CLYBL: variants seen among roughly 807,000 people sequenced by gnomAD.
CLYBL encodes the protein citramalyl-CoA lyase, also known as citramalyl-CoA lyase, mitochondrial.
CLYBL carries 31 observed loss-of-function variants against 38.9 expected under a neutral mutation model. That is an observed-to-expected ratio of 0.80 (90% CI 0.60 to 1.08). CLYBL has a LOEUF of 1.08. CLYBL is among the 50% of genes least tolerant of loss of function. The pLI is 0.00. For synonymous variants in CLYBL, 171 were observed against 158.6 expected, an observed-to-expected ratio of 1.08 and a Z score of -0.59; for missense variants, 434 against 411.6, an observed-to-expected ratio of 1.05 and a Z score of -0.47.
chr13:99,747,811 T>C (rs2048880225), intron 1 of CLYBL, among the ~76,000 whole-genome samples: 1 of 152,206 alleles, frequency 6.6e-6, no homozygotes, highest in African/African-American at 2.4e-5. Flanking sequence ...AGGGCCAGCG[T>C]GTGGTGGACT....
chr13:99,676,147 C>T (rs897868857), intron 1 of CLYBL, among the ~76,000 whole-genome samples: 3 of 151,046 alleles, frequency 2.0e-5, no homozygotes, highest in African/African-American at 7.3e-5. Context: ...TGAGCCACCA[C>T]CCCTGGCCAC....
chr13:99,690,944 A>G (rs1226782559), intron 1 of CLYBL: 1 of 152,184 alleles, frequency 6.6e-6, no homozygotes, highest in Non-Finnish European at 1.5e-5. Flanking sequence ...GCTCTCTCAC[A>G]CTGAGACCTA....
At chr13:99,732,487 A>G (rs2139575611) in intron 1 of CLYBL, among the ~76,000 whole-genome samples, 1 of 152,076 alleles carries the variant, frequency 6.6e-6, no homozygotes, top group East Asian at 1.9e-4. Flanking sequence ...GCCTATTTTA[A>G]AGGTGTTTTT....
chr13:99,660,906 A>G (rs892609709), intron 1 of CLYBL, among the ~76,000 whole-genome samples: 1 of 152,182 alleles, frequency 6.6e-6, no homozygotes, highest in Non-Finnish European at 1.5e-5. Flanking sequence ...GATTTTTTCC[A>G]TCATTAGATT....
At chr13:99,625,403 C>T (rs2046855556) in intron 1 of CLYBL, among the ~76,000 whole-genome samples, 2 of 152,122 alleles carry the variant, frequency 1.3e-5, no homozygotes, top group African/African-American at 4.8e-5. Flanking sequence ...AGGGTTCGGC[C>T]AAGGAAGTGA....
chr13:99,750,538 G>A (rs997723414), intron 1 of CLYBL, among the ~76,000 whole-genome samples: 1 of 151,990 alleles, frequency 6.6e-6, no homozygotes, highest in Non-Finnish European at 1.5e-5. Flanking sequence ...GCCAGGCATG[G>A]TAGCAGGCAC....
intron 1 of CLYBL, among the ~76,000 whole-genome samples, chr13:99,696,285 A>C (rs2047978323): frequency 6.6e-6 from 1 of 151,276 alleles, no homozygotes; most frequent in African/African-American, 2.4e-5. Flanking sequence ...GCTGGAGTGC[A>C]GTGGCATGGT....
At chr13:99,750,215 G>A (rs1207852620) in intron 1 of CLYBL, among the ~76,000 whole-genome samples, 1 of 152,184 alleles carries the variant, frequency 6.6e-6, no homozygotes, top group Non-Finnish European at 1.5e-5. Flanking sequence ...CCCCTCAAAG[G>A]ATTGGAGATA....
chr13:99,709,923 CTTTTTTT>C (rs373484721), intron 1 of CLYBL, among the ~76,000 whole-genome samples: 1 of 110,484 alleles, frequency 9.1e-6, no homozygotes, highest in Non-Finnish European at 1.7e-5. Flanking sequence ...TTCTTTCTTT[CTTTTTTT>C]TTTTTTTTTT....
chr13:99,780,481 C>T (rs1261684823), intron 2 of CLYBL, among the ~76,000 whole-genome samples: 2 of 151,504 alleles, frequency 1.3e-5, no homozygotes, highest in African/African-American at 2.4e-5. Flanking sequence ...CCTGGGTTCA[C>T]GCCATTCTGC....
chr13:99,791,375 C>CA (rs1566328671), intron 2 of CLYBL, among the ~76,000 whole-genome samples: 1 of 151,330 alleles, frequency 6.6e-6, no homozygotes, highest in Non-Finnish European at 1.5e-5. Flanking sequence ...AAAAAACAAA[C>CA]AAAAAACAGC....
At position 99,852,061 on chromosome 13, in the gene CLYBL, C is replaced by A. The variant is rs138457656; in HGVS notation, c.250-6800C>A. ...CAACATGAATGAATCTTGAAACATA[C>A]TAAGTGAAAGAAGGCAGTCAGAGAA... On this transcript the variant is annotated intron_variant, in intron 2 of 8. Coordinates refer to ENST00000339105, the MANE Select transcript of CLYBL (RefSeq NM_206808.5). Among the ~76,000 whole-genome samples, 277 of 152,230 alleles carry A rather than the reference C, an allele frequency of 1.8e-3. 1 individual carries two copies. The highest frequency in any genetic ancestry group is 2.5e-3 in the Non-Finnish European group (172 of 68,022).
At chr13:99,631,174 TA>T (rs2046938426) in intron 1 of CLYBL, among the ~76,000 whole-genome samples, 1 of 152,064 alleles carries the variant, frequency 6.6e-6, no homozygotes, top group Non-Finnish European at 1.5e-5. Flanking sequence ...ATAGAAAAAT[TA>T]GCCACGCATG....
At position 99,668,111 on chromosome 13, in the gene CLYBL, A is replaced by T. The variant is rs111947361; in HGVS notation, c.62+61354A>T. 4.8e-3 allele frequency among the ~76,000 whole-genome samples: 722 copies of T among 151,964 alleles called. 3 individuals are homozygous for T. The highest frequency in any genetic ancestry group is 0.017 in the African/African-American group (693 of 41,444). On this transcript the variant is annotated intron_variant, in intron 1 of 8. Transcript: ENST00000339105. The stretch of plus-strand genomic sequence containing the variant: ...CAACATGGTGAAACCCTGTCTCTAC[A>T]TAAAATACAACAAATAGCCATACAT...
intron 2 of CLYBL, among the ~76,000 whole-genome samples, chr13:99,783,065 C>T (rs565329844): frequency 7.9e-5 from 12 of 151,292 alleles, no homozygotes; most frequent in Non-Finnish European, 1.0e-4. Flanking sequence ...TTTTTTGAGA[C>T]GAAGTCTTGC....
chr13:99,752,801 A>C (rs987425162), intron 1 of CLYBL, among the ~76,000 whole-genome samples: 2 of 152,134 alleles, frequency 1.3e-5, no homozygotes, highest in Non-Finnish European at 2.9e-5. Context: ...TAGCTTTCAA[A>C]GGATGTGGAG....
intron 1 of CLYBL, among the ~76,000 whole-genome samples, chr13:99,687,857 T>C (rs1294028806): frequency 1.3e-5 from 2 of 152,234 alleles, no homozygotes; most frequent in Non-Finnish European, 1.5e-5. Flanking sequence ...CTTGGTTTAC[T>C]GTGTTGGGTT....
chr13:99,769,026 C>T (rs1264544967), intron 1 of CLYBL, among the ~76,000 whole-genome samples: 1 of 152,146 alleles, frequency 6.6e-6, no homozygotes, highest in Admixed American at 6.6e-5. Context: ...GAGGGACATA[C>T]AATAACAGTG....
chr13:99,648,505 TATG>T (rs2047208299), intron 1 of CLYBL, among the ~76,000 whole-genome samples: 1 of 152,256 alleles, frequency 6.6e-6, no homozygotes, highest in Non-Finnish European at 1.5e-5. Context: ...GTCAATACCT[TATG>T]ATGATAATCT....
Sources: gnomAD v4.1 joint callset for allele counts (sites outside exome capture counted in the v4.1 genomes callset) on GRCh38, gnomAD v4.1.1 for gene constraint, MANE v1.5 for transcripts, NCBI Gene and HGNC (gene_info 2026-07-23, HGNC 2026-07-21) for gene names.